The following MYRIP variants were observed in gnomAD, a reference collection of about 807,000 sequenced individuals.
MYRIP encodes the protein myosin VIIA and Rab interacting protein.
Under a neutral mutation model 98.0 loss-of-function variants are expected in MYRIP, and 49 were observed. The ratio of observed to expected loss-of-function variants is 0.50; its 90% CI spans 0.40 to 0.63. MYRIP has a LOEUF of 0.63. Ranked by LOEUF, MYRIP falls within the 30% of genes least tolerant of loss-of-function variation. The pLI is 0.00. For synonymous variants in MYRIP, 404 were observed against 409.5 expected (o/e 0.99, Z 0.16); for missense variants, 1,004 against 1,058.2 (o/e 0.95, Z 0.71).
intron 3 of MYRIP, among the ~76,000 whole-genome samples, chr3:40,131,300 A>C (rs890227595): frequency 3.3e-5 from 5 of 151,984 alleles, no homozygotes; most frequent in Admixed American, 2.6e-4. Flanking sequence ...ATTTATCTCC[A>C]TATTTGTTAT....
At chr3:40,152,548 A>G (rs1950143680) in intron 4 of MYRIP, among the ~76,000 whole-genome samples, 2 of 152,192 alleles carry the variant, frequency 1.3e-5, no homozygotes, top group South Asian at 4.1e-4. Flanking sequence ...TGAAATTTAC[A>G]AGGATCACTT....
intron 2 of MYRIP, among the ~76,000 whole-genome samples, chr3:40,001,933 A>G (rs959909634): frequency 6.6e-6 from 1 of 152,246 alleles, no homozygotes; most frequent in African/African-American, 2.4e-5. Context: ...AGGAATCACC[A>G]GAATGCTAGA....
At chr3:39,851,092 TA>T (rs1338907926) in intron 1 of MYRIP, among the ~76,000 whole-genome samples, 2 of 152,248 alleles carry the variant, frequency 1.3e-5, no homozygotes, top group African/African-American at 4.8e-5. Flanking sequence ...TGGGCTCTGA[TA>T]CAAACACTGG....
intron 3 of MYRIP, among the ~76,000 whole-genome samples, chr3:40,085,233 C>T (rs1489243580): frequency 6.6e-6 from 1 of 151,212 alleles, no homozygotes; most frequent in Non-Finnish European, 1.5e-5. Flanking sequence ...TATATATCCA[C>T]AGATAATATG....
chr3:39,970,377 C>T (rs1204153147), intron 2 of MYRIP: 1 of 152,030 alleles, frequency 6.6e-6, no homozygotes, highest in Non-Finnish European at 1.5e-5. Context: ...ATATGAAGTT[C>T]ATTTCATAAC....
At chr3:39,956,780 A>G (rs1945175250) in intron 2 of MYRIP, among the ~76,000 whole-genome samples, 2 of 151,814 alleles carry the variant, frequency 1.3e-5, no homozygotes, top group South Asian at 4.1e-4. Context: ...ATAGACCGCT[A>G]GCAAGACTAA....
chr3:40,160,484 G>A (rs1450162711), intron 4 of MYRIP, among the ~76,000 whole-genome samples: 8 of 152,228 alleles, frequency 5.3e-5, no homozygotes, highest in Non-Finnish European at 8.8e-5. Flanking sequence ...GGAGCCTACA[G>A]AGGCAGGCAG....
intron 2 of MYRIP, among the ~76,000 whole-genome samples, chr3:39,957,274 C>G (rs1945192411): frequency 6.6e-6 from 1 of 151,758 alleles, no homozygotes; most frequent in South Asian, 2.1e-4. Context: ...ATGCAAAAAT[C>G]CCCAATAAAA....
At chr3:40,158,206 C>T (rs892574094) in intron 4 of MYRIP, among the ~76,000 whole-genome samples, 1 of 152,032 alleles carries the variant, frequency 6.6e-6, no homozygotes, top group Non-Finnish European at 1.5e-5. Flanking sequence ...TCTCTGTTCT[C>T]GTTGGTTTCA....
chr3:40,026,608 G>C (rs1013797876), intron 2 of MYRIP, among the ~76,000 whole-genome samples: 1 of 152,046 alleles, frequency 6.6e-6, no homozygotes, highest in African/African-American at 2.4e-5. Context: ...CTCTGCCATG[G>C]CTCCAGCCAG....
chr3:39,928,907 G>A (rs1346405550), intron 2 of MYRIP, among the ~76,000 whole-genome samples: 4 of 152,072 alleles, frequency 2.6e-5, no homozygotes, highest in South Asian at 4.1e-4. Flanking sequence ...ATTTGCAGAA[G>A]TCATGATAGT....
In MYRIP at chr3:40,064,174, G is replaced by A. The variant is rs556341973; in HGVS notation, c.332+19903G>A. Among the ~76,000 whole-genome samples the A allele has an allele frequency of 2.4e-4, 36 of 151,954 alleles. 1 individual carries two copies. The highest frequency in any genetic ancestry group is 3.9e-4 in the East Asian group (2 of 5,154). On this transcript the variant is annotated intron_variant, in intron 3 of 16. Transcript: ENST00000302541. ...TCTCCACCTTATTATATGTAGTCCCGTCAGGTGGACAGTACCCCCCTTTTA... is the reference window on the plus strand; with the variant it reads ...TCTCCACCTTATTATATGTAGTCCCATCAGGTGGACAGTACCCCCCTTTTA...
chr3:39,881,476 A>G (rs1350561553), intron 1 of MYRIP, among the ~76,000 whole-genome samples: 3 of 152,132 alleles, frequency 2.0e-5, no homozygotes, highest in African/African-American at 4.8e-5. Context: ...TTTTTCCTCA[A>G]AGAAATGTTT....
At chr3:40,033,292 A>C (rs1487963953) in intron 2 of MYRIP, among the ~76,000 whole-genome samples, 275 of 151,330 alleles carry the variant, frequency 1.8e-3, no homozygotes, top group Middle Eastern at 3.4e-3. Flanking sequence ...CCCTGTTTGC[A>C]GACGACATGA....
intron 3 of MYRIP, among the ~76,000 whole-genome samples, chr3:40,085,843 C>T (rs556540820): frequency 2.8e-4 from 42 of 152,056 alleles, no homozygotes; most frequent in African/African-American, 8.0e-4. Context: ...ATTTGGTAAC[C>T]GAAACAAAAA....
At chr3:40,084,684 CTATGTATT>C (rs1948576435) in intron 3 of MYRIP, among the ~76,000 whole-genome samples, 1 of 148,174 alleles carries the variant, frequency 6.7e-6, no homozygotes, top group African/African-American at 2.5e-5. Context: ...TAGATAATAT[CTATGTATT>C]ACATATCGAT....
intron 4 of MYRIP, among the ~76,000 whole-genome samples, chr3:40,157,439 TATTGGTCTAAA>T (rs1200138082): frequency 2.3e-4 from 34 of 149,854 alleles, no homozygotes; most frequent in African/African-American, 8.4e-4. Flanking sequence ...TCATCAAGGA[TATTGGTCTAAA>T]ATTCTCTTTT....
chr3:39,927,537 A>G (rs138438348), intron 2 of MYRIP, among the ~76,000 whole-genome samples: 6 of 152,158 alleles, frequency 3.9e-5, no homozygotes, highest in African/African-American at 1.4e-4. Flanking sequence ...AAGTTCCAAA[A>G]TTGAATCAAT....
intron 2 of MYRIP, among the ~76,000 whole-genome samples, chr3:39,931,894 C>T (rs747844658): frequency 6.6e-6 from 1 of 151,984 alleles, no homozygotes; most frequent in Non-Finnish European, 1.5e-5. Flanking sequence ...TTATATGTTG[C>T]TGTATTTGAT....
Sources: allele counts gnomAD v4.1 joint callset (sites outside exome capture counted in the v4.1 genomes callset), GRCh38; gene constraint gnomAD v4.1.1; transcripts MANE v1.5; gene names NCBI Gene and HGNC (gene_info 2026-07-23, HGNC 2026-07-21).